The following CAMK1D variants were observed in gnomAD, a reference collection of about 807,000 sequenced individuals.
CAMK1D encodes calcium/calmodulin-dependent protein kinase type 1D.
CAMK1D carries 9 observed loss-of-function variants against 47.7 expected under a neutral mutation model. That is an observed-to-expected ratio of 0.19 (90% CI 0.11 to 0.33). The LOEUF (loss-of-function observed/expected upper bound fraction) is 0.33. CAMK1D is among the 10% of genes least tolerant of loss of function. The probability of loss-of-function intolerance (pLI) is 1.00; values close to 1 mark genes in which losing one functional copy is unlikely to be tolerated. For synonymous variants in CAMK1D, 184 were observed against 184.9 expected (o/e 0.99, Z 0.04); for missense variants, 291 against 488.7 (o/e 0.60, Z 3.81).
intron 5 of CAMK1D, among the ~76,000 whole-genome samples, chr10:12,781,395 A>G (rs1423848294): frequency 1.3e-5 from 2 of 152,256 alleles, no homozygotes; most frequent in African/African-American, 4.8e-5. Flanking sequence ...TCCTTGGCAC[A>G]GTTGACTTCC....
chr10:12,764,608 A>T (rs2130915360), intron 4 of CAMK1D, among the ~76,000 whole-genome samples: 1 of 149,768 alleles, frequency 6.7e-6, no homozygotes, highest in South Asian at 2.2e-4. Context: ...GGGACAAGGA[A>T]GATAAAAAAT....
intron 1 of CAMK1D, among the ~76,000 whole-genome samples, chr10:12,413,611 G>GACC (rs1315244020): frequency 6.4e-3 from 67 of 10,514 alleles, no homozygotes; most frequent in African/African-American, 0.01. Flanking sequence ...TGATGATGGT[G>GACC]ATGCTAATTA....
intron 1 of CAMK1D, among the ~76,000 whole-genome samples, chr10:12,416,697 C>T (rs772830599): frequency 3.9e-4 from 59 of 152,274 alleles, no homozygotes; most frequent in African/African-American, 1.3e-3. Flanking sequence ...TAGCACTGGG[C>T]GGTGGAGAGA....
intron 1 of CAMK1D, among the ~76,000 whole-genome samples, chr10:12,371,175 C>G (rs925506616): frequency 6.6e-6 from 1 of 152,006 alleles, no homozygotes; most frequent in Non-Finnish European, 1.5e-5. Flanking sequence ...TCTAGGCCTT[C>G]TCATTCACTC....
chr10:12,615,586 G>A (rs200604123), intron 2 of CAMK1D, among the ~76,000 whole-genome samples: 2 of 13,574 alleles, frequency 1.5e-4, no homozygotes, highest in Non-Finnish European at 1.6e-3. Context: ...CGTGTGTGTA[G>A]GTGTGTATTG....
In CAMK1D at chr10:12,734,446, ATG is replaced by A. The variant is rs1195779725; in HGVS notation, c.300-26498_300-26497del. ...TGTATATATATATACACACACACAT[ATG>A]TGTATATATACACATACACATATGT... On this transcript the variant is annotated intron_variant, in intron 3 of 10. Coordinates refer to ENST00000619168, the MANE Select transcript of CAMK1D (RefSeq NM_153498.4). 7.3e-3 allele frequency among the ~76,000 whole-genome samples: 34 copies of A among 4,664 alleles called. 4 individuals are homozygous for A. The highest frequency in any genetic ancestry group is 0.011 in the Admixed American group (2 of 190). The allele number at this position is 4,664 out of a possible 152,430, so 3.1% of individuals were successfully genotyped here.
intron 6 of CAMK1D, among the ~76,000 whole-genome samples, chr10:12,802,762 C>T (rs754280629): frequency 1.2e-4 from 18 of 152,206 alleles, no homozygotes; most frequent in South Asian, 2.1e-4. Flanking sequence ...CCTCATGATC[C>T]GTCCACCGTG....
intron 5 of CAMK1D, among the ~76,000 whole-genome samples, chr10:12,778,446 C>A (rs965050721): frequency 6.6e-6 from 1 of 152,202 alleles, no homozygotes; most frequent in African/African-American, 2.4e-5. Flanking sequence ...AGTTGGTGGG[C>A]ATCCCCATCC....
chr10:12,552,851 C>G (rs1836629883), intron 1 of CAMK1D, among the ~76,000 whole-genome samples: 1 of 152,220 alleles, frequency 6.6e-6, no homozygotes, highest in Non-Finnish European at 1.5e-5. Flanking sequence ...AAGCGATTCT[C>G]CTGCCTCAGC....
chr10:12,553,490 C>T, intron 2 of CAMK1D, 134 bp downstream of exon 2: 1 of 662,938 alleles, frequency 1.5e-6, no homozygotes, highest in Non-Finnish European at 2.7e-6. Flanking sequence ...CAAACGATAA[C>T]CAACTTTCAA....
At chr10:12,381,298 G>C (rs930295431) in intron 1 of CAMK1D, among the ~76,000 whole-genome samples, 4 of 151,734 alleles carry the variant, frequency 2.6e-5, no homozygotes, top group Non-Finnish European at 4.4e-5. Flanking sequence ...CTTGGGTAGT[G>C]GTTCTTAAAA....
At chr10:12,526,564 A>G (rs144153888) in intron 1 of CAMK1D, among the ~76,000 whole-genome samples, 14 of 152,152 alleles carry the variant, frequency 9.2e-5, no homozygotes, top group African/African-American at 2.9e-4. Flanking sequence ...TGATTTTGCT[A>G]TTTTGCAGTT....
intron 1 of CAMK1D, among the ~76,000 whole-genome samples, chr10:12,440,068 T>C (rs1464144692): frequency 6.6e-6 from 1 of 152,216 alleles, no homozygotes; most frequent in African/African-American, 2.4e-5. Context: ...TTATGGGAAC[T>C]GTAATTCAAG....
chr10:12,828,659 G>GC, intron 10 of CAMK1D, 110 bp from the exon 11 acceptor site: 2 of 613,984 alleles, frequency 3.3e-6, no homozygotes, highest in East Asian at 3.4e-5. Context: ...AAAAAAATTG[G>GC]GCCCCCCCGC....
At chr10:12,526,219 G>A (rs1835616357) in intron 1 of CAMK1D, among the ~76,000 whole-genome samples, 1 of 152,216 alleles carries the variant, frequency 6.6e-6, no homozygotes. Flanking sequence ...GTGAGTAGTG[G>A]TAACAGTATC....
At chr10:12,363,489 T>C (rs1481700110) in intron 1 of CAMK1D, among the ~76,000 whole-genome samples, 1 of 152,018 alleles carries the variant, frequency 6.6e-6, no homozygotes, top group Admixed American at 6.6e-5. Context: ...TCCTGACCTC[T>C]GGTGATCTGC....
Position 12,761,037 on chromosome 10 carries a change from A to C in CAMK1D, c.389A>C (p.Asp130Ala). ...AGCACTCTGATCCGCCAAGTCTTGGACGCCGTGTACTATCTCCACAGAATG... is the reference window on the plus strand; with the variant it reads ...AGCACTCTGATCCGCCAAGTCTTGGCCGCCGTGTACTATCTCCACAGAATG... Reference protein sequence around the residue: ...DASTLIRQVLDAVYYLHRMGI... With the variant: ...DASTLIRQVLAAVYYLHRMGI... Residue 130 changes from aspartate (D) to alanine (A), a missense_variant, in exon 4 of 11, where the codon GAC (aspartate) becomes GCC (alanine). Coordinates refer to ENST00000619168, the MANE Select transcript of CAMK1D (RefSeq NM_153498.4). The C allele has an allele frequency of 6.2e-7, 1 of 1,614,172 alleles. No individual in the cohort carries two copies. The highest frequency in any genetic ancestry group is 1.1e-5 in the South Asian group (1 of 91,086).
At chr10:12,479,731 C>T (rs1404294465) in intron 1 of CAMK1D, among the ~76,000 whole-genome samples, 1 of 152,218 alleles carries the variant, frequency 6.6e-6, no homozygotes, top group Non-Finnish European at 1.5e-5. Context: ...CGGGTAGGTT[C>T]AGGAGAGCGG....
intron 1 of CAMK1D, among the ~76,000 whole-genome samples, chr10:12,399,969 A>T (rs1839114036): frequency 6.6e-6 from 1 of 152,188 alleles, no homozygotes; most frequent in Admixed American, 6.5e-5. Context: ...TGGTGAGATG[A>T]TGTGACTAGA....
Sources: gnomAD v4.1 joint callset for allele counts (sites outside exome capture counted in the v4.1 genomes callset) on GRCh38, gnomAD v4.1.1 for gene constraint, MANE v1.5 for transcripts, NCBI Gene and HGNC (gene_info 2026-07-23, HGNC 2026-07-21) for gene names.